The following ZFYVE28 variants were observed in gnomAD, a reference collection of about 807,000 sequenced individuals.
The protein encoded by ZFYVE28 is lateral signaling target protein 2 homolog.
In ZFYVE28, 40 loss-of-function variants were observed where a neutral mutation model predicts 82.1. That is an observed-to-expected ratio of 0.49 (90% CI 0.38 to 0.63). The LOEUF (loss-of-function observed/expected upper bound fraction) is 0.63, where lower values mean the gene tolerates loss of function less well. Ranked by LOEUF, ZFYVE28 falls within the 30% of genes least tolerant of loss-of-function variation. The pLI, the probability that ZFYVE28 is intolerant of heterozygous loss-of-function variation, is 0.00. For missense variants in ZFYVE28, 1,321 were observed against 1,242.1 expected (o/e 1.06, Z -0.96); for synonymous variants, 612 against 546.1 (o/e 1.12, Z -1.68).
At chr4:2,295,656 A>G (rs1577945772) in intron 8 of ZFYVE28, 1 of 152,246 alleles carries the variant, frequency 6.6e-6, no homozygotes, top group Non-Finnish European at 1.5e-5. Context: ...CCTTCCCAGC[A>G]CCTCGGCCCT....
chr4:2,349,111 A>G (rs1218122982), intron 2 of ZFYVE28, among the ~76,000 whole-genome samples: 2 of 152,100 alleles, frequency 1.3e-5, no homozygotes, highest in Non-Finnish European at 2.9e-5. Context: ...TTTCAGTGCT[A>G]TAGATAATTA....
chr4:2,406,270 G>T (rs1001321977), intron 1 of ZFYVE28, among the ~76,000 whole-genome samples: 3 of 150,216 alleles, frequency 2.0e-5, no homozygotes, highest in Non-Finnish European at 4.5e-5. Context: ...TACTCGAGAG[G>T]CTGAGGCAGG....
chr4:2,335,341 C>T lies in ZFYVE28; in HGVS notation c.701+364G>A, dbSNP rs1721510660. On this transcript the variant is annotated intron_variant, in intron 6 of 12. Transcript: ENST00000290974. The surrounding 1 kb of genome is among the most constrained non-coding windows in gnomAD (Gnocchi z 5.8). The stretch of plus-strand genomic sequence containing the variant: ...TTGTTACCACCAAGTCTGCCTCCCA[C>T]AGCCCCTGCGTGGCCACTCTGTTCC... Among the ~76,000 whole-genome samples, 1 of 152,198 alleles carries T rather than the reference C, an allele frequency of 6.6e-6. No individual in the cohort carries two copies. Among genetic ancestry groups the T allele is most frequent in the Non-Finnish European group, 1.5e-5 (1 of 68,038 alleles).
chr4:2,352,017 C>T (rs184432700), intron 2 of ZFYVE28, among the ~76,000 whole-genome samples: 1 of 152,220 alleles, frequency 6.6e-6, no homozygotes, highest in Non-Finnish European at 1.5e-5. Context: ...ATCATATCTG[C>T]ACATACTCAA....
chr4:2,326,237 G>A (rs555395481), intron 6 of ZFYVE28, among the ~76,000 whole-genome samples: 1 of 152,212 alleles, frequency 6.6e-6, no homozygotes, highest in Non-Finnish European at 1.5e-5. Flanking sequence ...TTTTTATATG[G>A]TGTGAGATAA....
chr4:2,319,968 C>T (rs542040312), intron 7 of ZFYVE28, among the ~76,000 whole-genome samples: 47 of 152,332 alleles, frequency 3.1e-4, no homozygotes, highest in African/African-American at 1.0e-3. Context: ...CCACCCCATG[C>T]GATGCCCAGG....
rs1177895473 is a variant in ZFYVE28 at position 2,355,260 on chromosome 4, AT to A, written c.40-1188del. 2.8e-3 allele frequency among the ~76,000 whole-genome samples: 38 copies of A among 13,524 alleles called. 7 individuals are homozygous for A. The highest frequency in any genetic ancestry group is 4.9e-3 in the African/African-American group (14 of 2,870). The allele number at this position is 13,524 out of a possible 152,430, so 8.9% of individuals were successfully genotyped here. ...TATATATATATATATATATATATAT[AT>A]ATATATATATAATGATTCTTCTTTT... On this transcript the variant is annotated intron_variant, in intron 1 of 12. Coordinates refer to ENST00000290974, the MANE Select transcript of ZFYVE28 (RefSeq NM_020972.3).
At chr4:2,278,221 T>C (rs941870261) in intron 8 of ZFYVE28, among the ~76,000 whole-genome samples, 89 of 119,772 alleles carry the variant, frequency 7.4e-4, no homozygotes, top group Middle Eastern at 3.9e-3. Flanking sequence ...GATTCTCTCT[T>C]TTTTTTTTTT....
At chr4:2,411,629 G>A (rs925445405) in intron 1 of ZFYVE28, among the ~76,000 whole-genome samples, 2 of 152,204 alleles carry the variant, frequency 1.3e-5, no homozygotes, top group Non-Finnish European at 2.9e-5. Flanking sequence ...CCGCGGACAG[G>A]AGTGTAAATC....
intron 1 of ZFYVE28, among the ~76,000 whole-genome samples, chr4:2,407,316 C>A (rs977595205): frequency 2.4e-4 from 36 of 152,262 alleles, no homozygotes; most frequent in African/African-American, 7.2e-4. Context: ...ACTTTGCTCC[C>A]TGTGGCCCTA....
At chr4:2,414,185 G>A (rs552509513) in intron 1 of ZFYVE28, among the ~76,000 whole-genome samples, 8 of 152,362 alleles carry the variant, frequency 5.3e-5, no homozygotes, top group South Asian at 2.1e-4. Context: ...CTGGAACCCC[G>A]AAAACCCTCA....
intron 1 of ZFYVE28, among the ~76,000 whole-genome samples, chr4:2,387,564 G>A (rs1461088978): frequency 6.6e-6 from 1 of 152,244 alleles, no homozygotes; most frequent in Admixed American, 6.5e-5. Context: ...GGAGAGCACA[G>A]AGGAGGCCTG....
chr4:2,290,759 C>T (rs1053132369), intron 8 of ZFYVE28, among the ~76,000 whole-genome samples: 3 of 152,120 alleles, frequency 2.0e-5, no homozygotes, highest in Admixed American at 6.5e-5. Context: ...TCACCTGGCT[C>T]CTTGCTTCCC....
At chr4:2,400,755 T>C (rs1731088612) in intron 1 of ZFYVE28, among the ~76,000 whole-genome samples, 1 of 152,118 alleles carries the variant, frequency 6.6e-6, no homozygotes. Context: ...CCCTTTCACG[T>C]TCTTCTGCCT....
chr4:2,304,244 G>C (rs1275034849), intron 8 of ZFYVE28, 45 bp downstream of exon 8: 3 of 1,513,488 alleles, frequency 2.0e-6, no homozygotes, highest in Non-Finnish European at 2.6e-6. Context: ...CTGCCCCCCA[G>C]TGCAGAGAGG....
Position 2,300,211 on chromosome 4 carries a change from T to C in ZFYVE28, c.2051+4078A>G, listed in dbSNP as rs1300695942. Among the ~76,000 whole-genome samples, 2 of 152,226 alleles carry C rather than the reference T, an allele frequency of 1.3e-5. No individual in the cohort carries two copies. Among genetic ancestry groups the C allele is most frequent in the African/African-American group, 2.4e-5 (1 of 41,456 alleles). ...AGGCAAAGGCTGGAAATCCACTTCA[T>C]GGTGTCCCTGGAAGGAACAGACAAC... On this transcript the variant is annotated intron_variant, in intron 8 of 12. Coordinates refer to ENST00000290974, the MANE Select transcript of ZFYVE28 (RefSeq NM_020972.3). The surrounding 1 kb of genome is among the most constrained non-coding windows in gnomAD (Gnocchi z 4.6).
intron 2 of ZFYVE28, among the ~76,000 whole-genome samples, chr4:2,351,172 G>A (rs1483929580): frequency 6.6e-6 from 1 of 152,098 alleles, no homozygotes; most frequent in East Asian, 1.9e-4. Flanking sequence ...CACTCCGGGT[G>A]GACAGTGTCA....
Position 2,339,402 on chromosome 4 carries a change from A to C in ZFYVE28, c.521+51T>G. On this transcript the variant is annotated intron_variant, in intron 4 of 12. Transcript: ENST00000290974. The surrounding 1 kb of genome is among the most constrained non-coding windows in gnomAD (Gnocchi z 5.0). ...CAGGGTGAGCCCCGGAAGCTGGCAC[A>C]ACCGTCCCCCAGCTCATACAGCCAG... 3.4e-5 allele frequency: 53 copies of C among 1,574,678 alleles called. No homozygotes were observed. The highest frequency in any genetic ancestry group is 4.3e-5 in the Non-Finnish European group (50 of 1,156,286).
chr4:2,365,793 A>G (rs758254632), intron 1 of ZFYVE28, among the ~76,000 whole-genome samples: 2 of 152,160 alleles, frequency 1.3e-5, no homozygotes, highest in Non-Finnish European at 2.9e-5. Flanking sequence ...CTGATACCAG[A>G]AGGCCCCAAC....
Sources: allele counts gnomAD v4.1 joint callset (sites outside exome capture counted in the v4.1 genomes callset), GRCh38; gene constraint gnomAD v4.1.1; non-coding constraint Gnocchi (gnomAD v3.1); transcripts MANE v1.5; gene names NCBI Gene and HGNC (gene_info 2026-07-23, HGNC 2026-07-21).